Variants in TAS1R1 observed in about 807,000 individuals in gnomAD.
TAS1R1 encodes taste 1 receptor member 1.
In TAS1R1, 31 loss-of-function variants were observed where a neutral mutation model predicts 45.8. The ratio of observed to expected loss-of-function variants is 0.68; its 90% CI spans 0.51 to 0.91. The LOEUF (loss-of-function observed/expected upper bound fraction) is 0.91, where lower values mean the gene tolerates loss of function less well. Among genes scored for constraint, TAS1R1 ranks in the 40% least tolerant of loss-of-function variants. The pLI is 0.00. For missense variants in TAS1R1, 1,051 were observed against 1,063.9 expected, an observed-to-expected ratio of 0.99 and a Z score of 0.17; for synonymous variants, 437 against 448.4, an observed-to-expected ratio of 0.97 and a Z score of 0.32.
intron 2 of TAS1R1, among the ~76,000 whole-genome samples, chr1:6,573,370 T>C (rs1166750012): frequency 6.6e-6 from 1 of 152,004 alleles, no homozygotes; most frequent in African/African-American, 2.4e-5. Context: ...GGCAGGAGAA[T>C]TTCTTGAACC....
chr1:6,566,861 C>T (rs1269078976), intron 1 of TAS1R1, among the ~76,000 whole-genome samples: 1 of 152,194 alleles, frequency 6.6e-6, no homozygotes, highest in African/African-American at 2.4e-5. Flanking sequence ...TCCCAAAGTG[C>T]TGGGATTACA....
At chr1:6,568,643 G>C (rs1237036586) in intron 1 of TAS1R1, among the ~76,000 whole-genome samples, 1 of 152,116 alleles carries the variant, frequency 6.6e-6, no homozygotes, top group Non-Finnish European at 1.5e-5. Flanking sequence ...GGCCTGCAAT[G>C]AGGCAGGTAA....
chr1:6,578,581 T>G, intron 5 of TAS1R1, 72 bp from the exon 6 acceptor site: 1 of 1,512,150 alleles, frequency 6.6e-7, no homozygotes, highest in Non-Finnish European at 8.8e-7. Flanking sequence ...TCCCAGTATC[T>G]TGCAGGCCCC....
At position 6,578,799 on chromosome 1, in the gene TAS1R1, C is replaced by A. The variant is rs779465169; in HGVS notation, c.1741C>A (p.Leu581Met). 1 of 1,613,854 alleles carries A rather than the reference C, an allele frequency of 6.2e-7. No individual in the cohort carries two copies. Among genetic ancestry groups the A allele is most frequent in the Non-Finnish European group, 8.5e-7 (1 of 1,179,946 alleles). Reference protein sequence around the residue: ...LAANTLLLLLLLGTAGLFAWH... With the variant: ...LAANTLLLLLMLGTAGLFAWH... ...AGCTAACACGCTGCTGCTGCTGCTG[C>A]TGCTTGGGACTGCTGGCCTGTTTGC... is the stretch of plus-strand genomic sequence containing the variant. The change falls in exon 6 of 6, where the codon CTG becomes ATG. Residue 581 changes from leucine to methionine, a missense_variant. Coordinates refer to ENST00000333172, the MANE Select transcript of TAS1R1 (RefSeq NM_138697.4).
At chr1:6,559,811 G>A (rs1473913293) in intron 1 of TAS1R1, among the ~76,000 whole-genome samples, 1 of 150,990 alleles carries the variant, frequency 6.6e-6, no homozygotes, top group Non-Finnish European at 1.5e-5. Flanking sequence ...GTCAACGTGT[G>A]AAACCCCGTC....
Position 6,574,659 on chromosome 1 carries a change from T to G in TAS1R1, c.527T>G (p.Leu176Arg). The change falls in exon 3 of 6, where the codon CTC (leucine) becomes CGC (arginine). Residue 176 changes from leucine (L) to arginine (R), a missense_variant. Transcript: ENST00000333172. This position sits in a 1 kb window ranked among gnomAD's most constrained non-coding sequence, Gnocchi z 4.3. ...AGCTATGCGGCCAGCAGCGAGACGCTCAGCGTGAAGCGGCAGTATCCCTCT... is the reference window on the plus strand; with the variant it reads ...AGCTATGCGGCCAGCAGCGAGACGCGCAGCGTGAAGCGGCAGTATCCCTCT... ...MISYAASSET[L>R]SVKRQYPSFL... is the part of the protein sequence containing the mutation. 2 of 1,611,168 alleles carry G rather than the reference T, an allele frequency of 1.2e-6. No homozygotes were observed. The highest frequency in any genetic ancestry group is 1.7e-6 in the Non-Finnish European group (2 of 1,177,902).
chr1:6,576,332 C>G (rs1640171070), intron 3 of TAS1R1, 83 bp from the exon 4 acceptor site: 2 of 1,382,358 alleles, frequency 1.4e-6, no homozygotes, highest in Admixed American at 1.8e-5. Context: ...GGACGGAAAC[C>G]CAGGAAGGCC....
chr1:6,572,101 A>C (rs1640032993), intron 2 of TAS1R1, among the ~76,000 whole-genome samples: 1 of 150,640 alleles, frequency 6.6e-6, no homozygotes, highest in African/African-American at 2.5e-5. Context: ...CTGAGCACTG[A>C]CTCCCTGCCC....
Position 6,575,286 on chromosome 1 carries a change from C to T in TAS1R1, c.1154C>T (p.Ser385Phe), listed in dbSNP as rs762743081. Residue 385 changes from serine (S) to phenylalanine (F), a missense_variant, in exon 3 of 6, where the codon TCT (serine) becomes TTT (phenylalanine). Coordinates refer to ENST00000333172, the MANE Select transcript of TAS1R1 (RefSeq NM_138697.4). ...AAGCTCAAAGCCTTCTCCATGAGTT[C>T]TGCCTACAACGCATACCGGGCTGTG... ...MPKLKAFSMS[S>F]AYNAYRAVYA... 6.2e-7 allele frequency: 1 copy of T among 1,613,116 alleles called. No homozygotes were observed.
rs753410366 is a variant in TAS1R1, at chr1:6,575,083, C to T, written c.951C>T (p.Arg317=). The change falls in exon 3 of 6, where the codon CGC becomes CGT. Residue 317 remains arginine (R), a synonymous_variant. Transcript: ENST00000333172. ...TCACTGGGGTGCCCGGGATCCAGCG[C>T]ATTGGGATGGTGCTGGGCGTGGCCA... ...RHITGVPGIQ[R]IGMVLGVAIQ... is the part of the protein sequence containing the mutation. The T allele has an allele frequency of 1.4e-5, 22 of 1,590,182 alleles. No homozygotes were observed. The highest frequency in any genetic ancestry group is 8.7e-5 in the Admixed American group (5 of 57,720).
intron 1 of TAS1R1, among the ~76,000 whole-genome samples, chr1:6,566,968 CAA>C (rs796804908): frequency 2.6e-5 from 4 of 152,060 alleles, no homozygotes; most frequent in African/African-American, 9.6e-5. Context: ...ATTGGGTTAA[CAA>C]GAGAGGTGGG....
intron 1 of TAS1R1, among the ~76,000 whole-genome samples, chr1:6,560,704 C>A (rs997564335): frequency 4.6e-5 from 7 of 152,092 alleles, no homozygotes; most frequent in African/African-American, 1.7e-4. Context: ...CAATGTTGGC[C>A]GGGCGTGGTG....
rs566267013 is a variant in TAS1R1 at position 6,577,760 on chromosome 1, G to A, written c.1594+690G>A. On this transcript the variant is annotated intron_variant, in intron 5 of 5. Transcript: ENST00000333172. Reference sequence around the variant, plus strand: ...GGAGAATTGCTTGAACCCGGGAGGCGGAGGTTGCAGTGAGCCAAGATTGCA... The same window carrying A: ...GGAGAATTGCTTGAACCCGGGAGGCAGAGGTTGCAGTGAGCCAAGATTGCA... Among the ~76,000 whole-genome samples, 5 of 152,252 alleles carry A rather than the reference G, an allele frequency of 3.3e-5. 1 individual carries two copies. Among genetic ancestry groups the A allele is most frequent in the South Asian group, 4.1e-4 (2 of 4,824 alleles).
chr1:6,564,952 G>A (rs572797280), intron 1 of TAS1R1, among the ~76,000 whole-genome samples: 1 of 152,188 alleles, frequency 6.6e-6, no homozygotes, highest in South Asian at 2.1e-4. Flanking sequence ...GGAAGTAACA[G>A]AATATACGAC....
intron 1 of TAS1R1, among the ~76,000 whole-genome samples, chr1:6,558,531 C>A (rs1639725359): frequency 6.6e-6 from 1 of 151,996 alleles, no homozygotes; most frequent in Non-Finnish European, 1.5e-5. Context: ...ACCAGCCTGG[C>A]CAACATGGTG....
intron 4 of TAS1R1, 122 bp downstream of exon 4, chr1:6,576,749 C>A: frequency 7.2e-7 from 1 of 1,379,542 alleles, no homozygotes; most frequent in East Asian, 2.4e-5. Flanking sequence ...TGCCACCACT[C>A]TACCCATCCT....
rs370542535 is a variant in TAS1R1, at chr1:6,578,958, C to G, written c.1900C>G (p.Arg634Gly). Residue 634 changes from arginine (R) to glycine (G), a missense_variant, in exon 6 of 6, where the codon CGC (arginine) becomes GGC (glycine). By Grantham distance (125) the Arg-to-Gly change is moderately radical. Transcript: ENST00000333172. ...ACCCACAAGGCCTGCGTGCTTGCTA[C>G]GCCAGGCCCTCTTTGCCCTTGGTTT... ...GEPTRPACLL[R>G]QALFALGFTI... is the part of the protein sequence containing the mutation. The G allele has an allele frequency of 5.0e-6, 8 of 1,614,134 alleles. No homozygotes were observed. Among genetic ancestry groups the G allele is most frequent in the Non-Finnish European group, 6.8e-6 (8 of 1,179,988 alleles).
Position 6,576,590 on chromosome 1 carries a change from A to ATT in TAS1R1, c.1437_1438insTT (p.Glu480LeufsTer114). ...TGGTCTCCAGTTCAGCTAAACATAA[A>ATT]TGAGACCAAAATCCAGTGGCACGGA... On this transcript the variant is annotated frameshift_variant, in exon 4 of 6. Transcript: ENST00000333172. LOFTEE classifies it high-confidence loss of function. The ATT allele has an allele frequency of 6.2e-7, 1 of 1,614,058 alleles. No homozygotes were observed. The highest frequency in any genetic ancestry group is 2.2e-5 in the East Asian group (1 of 44,884).
chr1:6,562,515 CTT>C (rs1639808184), intron 1 of TAS1R1, among the ~76,000 whole-genome samples: 1 of 152,218 alleles, frequency 6.6e-6, no homozygotes, highest in African/African-American at 2.4e-5. Context: ...TTCCAAGACT[CTT>C]TTACATTATG....
Sources: gnomAD v4.1 joint callset for allele counts (sites outside exome capture counted in the v4.1 genomes callset) on GRCh38, gnomAD v4.1.1 for gene constraint, Gnocchi (gnomAD v3.1) non-coding constraint, MANE v1.5 for transcripts, NCBI Gene and HGNC (gene_info 2026-07-23, HGNC 2026-07-21) for gene names.